The following EEA1 variants were observed in gnomAD, a reference collection of about 807,000 sequenced individuals.
The protein encoded by EEA1 is early endosome antigen 1, 162kD.
A neutral mutation model predicts 209.2 loss-of-function variants in EEA1; 111 were observed. That is an observed-to-expected ratio of 0.53 (90% CI 0.45 to 0.62). The LOEUF is 0.62. Among genes scored for constraint, EEA1 ranks in the 20% least tolerant of loss-of-function variants. The pLI is 0.00. For missense variants in EEA1, 1,343 were observed against 1,530.8 expected (o/e 0.88, Z 2.05); for synonymous variants, 536 against 540.6 (o/e 0.99, Z 0.12).
chr12:92,849,427 G>C (rs1877517465), intron 9 of EEA1, among the ~76,000 whole-genome samples: 1 of 152,098 alleles, frequency 6.6e-6, no homozygotes, highest in African/African-American at 2.4e-5. Flanking sequence ...GCCTCTCCTT[G>C]ATTTCACATT....
At chr12:92,849,819 C>CT (rs1877536452) in intron 9 of EEA1, among the ~76,000 whole-genome samples, 2 of 152,056 alleles carry the variant, frequency 1.3e-5, no homozygotes, top group Admixed American at 1.3e-4. Context: ...TTACAAAACT[C>CT]TAAGGAAGAG....
intron 11 of EEA1, among the ~76,000 whole-genome samples, chr12:92,828,676 A>G (rs1463223274): frequency 6.6e-6 from 1 of 151,636 alleles, no homozygotes; most frequent in East Asian, 1.9e-4. Flanking sequence ...CCACCCAATT[A>G]AAACTAAGGG....
At chr12:92,867,864 G>T (rs1275479619) in intron 2 of EEA1, among the ~76,000 whole-genome samples, 1 of 24,668 alleles carries the variant, frequency 4.1e-5, no homozygotes, top group Non-Finnish European at 1.1e-4. Flanking sequence ...GTATGTGTGT[G>T]TGAGAGAGAG....
At chr12:92,849,048 ATG>A (rs1266130229) in intron 9 of EEA1, among the ~76,000 whole-genome samples, 1 of 152,074 alleles carries the variant, frequency 6.6e-6, no homozygotes, top group African/African-American at 2.4e-5. Context: ...GCAAGTAAAC[ATG>A]TAAATTTATT....
intron 1 of EEA1, among the ~76,000 whole-genome samples, chr12:92,906,746 G>A (rs970285171): frequency 3.9e-5 from 6 of 152,028 alleles, no homozygotes; most frequent in Non-Finnish European, 8.8e-5. Flanking sequence ...CCCAGGAGGT[G>A]GAGCTTGCAG....
intron 1 of EEA1, among the ~76,000 whole-genome samples, chr12:92,911,234 A>C (rs1880571179): frequency 6.6e-6 from 1 of 152,208 alleles, no homozygotes; most frequent in Admixed American, 6.5e-5. Context: ...TAATTGACCA[A>C]GATGTCCCCC....
chr12:92,886,231 G>A (rs545536893), intron 2 of EEA1, among the ~76,000 whole-genome samples: 80 of 149,666 alleles, frequency 5.3e-4, no homozygotes, highest in African/African-American at 1.9e-3. Flanking sequence ...GCTGGACATG[G>A]TGGCACATGC....
Position 92,781,980 on chromosome 12 carries a change from A to G in EEA1, c.3306T>C (p.Cys1102=). The change falls in exon 23 of 29, where the codon TGT becomes TGC. Residue 1102 remains cysteine (C), a synonymous_variant. Transcript: ENST00000322349. ...CTTTCTGAATGTCTTGTAGTGCTTT[A>G]CATCGCTCCTGCAATTGCTGTTCTT... ...AKKEQQLQER[C]KALQDIQKEK... is the part of the protein sequence containing the mutation. 1 of 1,613,138 alleles carries G rather than the reference A, an allele frequency of 6.2e-7. No homozygotes were observed. Among genetic ancestry groups the G allele is most frequent in the Non-Finnish European group, 8.5e-7 (1 of 1,179,376 alleles).
intron 12 of EEA1, among the ~76,000 whole-genome samples, chr12:92,827,494 C>T (rs1281158612): frequency 6.6e-6 from 1 of 152,204 alleles, no homozygotes; most frequent in Non-Finnish European, 1.5e-5. Flanking sequence ...TGAGGGACAG[C>T]ATTCAAATAT....
chr12:92,926,368 T>C (rs903625154), intron 1 of EEA1, among the ~76,000 whole-genome samples: 1 of 152,188 alleles, frequency 6.6e-6, no homozygotes, highest in African/African-American at 2.4e-5. Context: ...TTTAATCTTA[T>C]AGCTTAATAT....
At chr12:92,856,075 G>A (rs1316072630) in intron 5 of EEA1, among the ~76,000 whole-genome samples, 1 of 151,986 alleles carries the variant, frequency 6.6e-6, no homozygotes, top group Admixed American at 6.5e-5. Context: ...GCCAATTCTT[G>A]GTGCAAAGGC....
intron 21 of EEA1, among the ~76,000 whole-genome samples, chr12:92,795,529 C>T (rs888697272): frequency 6.6e-6 from 1 of 151,994 alleles, no homozygotes; most frequent in Non-Finnish European, 1.5e-5. Flanking sequence ...CTGGAGGGCC[C>T]GGAACATTTA....
At chr12:92,810,669 T>A (rs983847659) in intron 17 of EEA1, among the ~76,000 whole-genome samples, 23 of 151,878 alleles carry the variant, frequency 1.5e-4, no homozygotes, top group Non-Finnish European at 2.2e-4. Flanking sequence ...TTTTTTTTTT[T>A]ATTTTTAGCC....
At chr12:92,875,326 C>T (rs985872858) in intron 2 of EEA1, among the ~76,000 whole-genome samples, 1 of 152,108 alleles carries the variant, frequency 6.6e-6, no homozygotes, top group African/African-American at 2.4e-5. Context: ...GTCTCAGCTA[C>T]TCGGGAGGCT....
In EEA1 at chr12:92,809,170, A is replaced by G. The variant is rs200362918; in HGVS notation, c.2200-14T>C. 2.2e-4 allele frequency: 338 copies of G among 1,538,624 alleles called. No individual in the cohort carries two copies. The African/African-American group carries it at 4.4e-3, about 20-fold the overall frequency. ...AGCTTCTAGTTTCTATGAAAGAAATATGATATGGCAGCCATTTTAATATTA... is the reference window on the plus strand; with the variant it reads ...AGCTTCTAGTTTCTATGAAAGAAATGTGATATGGCAGCCATTTTAATATTA... On this transcript the variant is annotated splice_polypyrimidine_tract_variant and intron_variant, in intron 17 of 28. Transcript: ENST00000322349.
chr12:92,881,985 C>A (rs1172273488), intron 2 of EEA1, among the ~76,000 whole-genome samples: 2 of 152,130 alleles, frequency 1.3e-5, no homozygotes, highest in African/African-American at 4.8e-5. Context: ...TCCTACTCAA[C>A]ATAAAGACAA....
chr12:92,913,007 T>G (rs531630013), intron 1 of EEA1, among the ~76,000 whole-genome samples: 1 of 152,250 alleles, frequency 6.6e-6, no homozygotes, highest in Non-Finnish European at 1.5e-5. Context: ...TAAATAGCCA[T>G]GTGCAGCTGT....
intron 28 of EEA1, 36 bp from the exon 29 acceptor site, chr12:92,776,169 A>G: frequency 1.3e-6 from 2 of 1,575,996 alleles, no homozygotes; most frequent in African/African-American, 2.7e-5. Context: ...TTCAAGAATA[A>G]AAACTATACC....
intron 1 of EEA1, among the ~76,000 whole-genome samples, chr12:92,895,830 A>C (rs1879856319): frequency 6.6e-6 from 1 of 152,214 alleles, no homozygotes; most frequent in Non-Finnish European, 1.5e-5. Flanking sequence ...GGAAGTCAAA[A>C]TATCAACACT....
Sources: allele counts gnomAD v4.1 joint callset (sites outside exome capture counted in the v4.1 genomes callset), GRCh38; gene constraint gnomAD v4.1.1; transcripts MANE v1.5; gene names NCBI Gene and HGNC (gene_info 2026-07-23, HGNC 2026-07-21).